GNE: variants seen among roughly 807,000 people sequenced by gnomAD.
GNE encodes the protein glucosamine (UDP-N-acetyl)-2-epimerase/N-acetylmannosamine kinase.
GNE carries 41 observed loss-of-function variants against 61.8 expected under a neutral mutation model. That is an observed-to-expected ratio of 0.66 (90% CI 0.52 to 0.86). The LOEUF is 0.86. Among genes scored for constraint, GNE ranks in the 40% least tolerant of loss-of-function variants. GNE has a pLI of 0.00. For synonymous variants in GNE, 264 were observed against 326.4 expected (o/e 0.81, Z 2.06); for missense variants, 608 against 909.1 (o/e 0.67, Z 4.26).
intron 10 of GNE, among the ~76,000 whole-genome samples, chr9:36,219,056 C>A (rs189658184): frequency 1.4e-3 from 217 of 152,282 alleles, no homozygotes; most frequent in African/African-American, 5.0e-3. Flanking sequence ...CAAACTGCAA[C>A]CTAGACATCA....
chr9:36,230,660 C>CT lies in GNE; in HGVS notation c.983-1553dup, dbSNP rs879665160. ...TTTTGTAGAGAGAAAATATCACTAT[C>CT]TTTTTTTTTTTTTTTTTGAGACGGA... is the stretch of plus-strand genomic sequence containing the variant. On this transcript the variant is annotated intron_variant, in intron 5 of 11. Transcript: ENST00000642385. Among the ~76,000 whole-genome samples, 442 of 139,150 alleles carry CT rather than the reference C, an allele frequency of 3.2e-3. 3 individuals are homozygous for CT. The highest frequency in any genetic ancestry group is 0.015 in the Middle Eastern group (4 of 270). The allele number at this position is 139,150 out of a possible 152,430, so 91.3% of individuals were successfully genotyped here. A position where few individuals can be genotyped will look rare whatever the true frequency, so the allele number is the denominator to read the frequency against.
At chr9:36,273,525 T>A (rs1831124565) in intron 1 of GNE, among the ~76,000 whole-genome samples, 1 of 151,936 alleles carries the variant, frequency 6.6e-6, no homozygotes, top group Admixed American at 6.6e-5. Context: ...CCACACTCCA[T>A]AAACTTTACG....
intron 1 of GNE, among the ~76,000 whole-genome samples, chr9:36,273,429 C>A (rs1831121086): frequency 6.6e-6 from 1 of 151,864 alleles, no homozygotes; most frequent in Admixed American, 6.6e-5. Context: ...GTTGGCCAGG[C>A]TGGTCTCGAA....
intron 1 of GNE, among the ~76,000 whole-genome samples, chr9:36,268,081 G>A (rs537912042): frequency 5.2e-4 from 79 of 152,052 alleles, no homozygotes; most frequent in African/African-American, 1.6e-3. Flanking sequence ...CCAGGCCGCA[G>A]TGAGTCATGA....
chr9:36,216,729 T>C lies in GNE; in HGVS notation c.*636A>G, dbSNP rs1050493275. ...CTCTGTCACCCAGGCTGGAGTGCAG[T>C]GGTGCGGTCTCAGTTCACTGCCAGC... On this transcript the variant is annotated 3_prime_UTR_variant, in exon 12 of 12. Coordinates refer to ENST00000642385, the MANE Select transcript of GNE (RefSeq NM_005476.7). 2 of 151,932 alleles carry C rather than the reference T, an allele frequency of 1.3e-5. No individual in the cohort carries two copies. The highest frequency in any genetic ancestry group is 2.4e-5 in the African/African-American group (1 of 40,842). 9.4% of individuals were successfully genotyped at this position (151,932 alleles called of 1,614,324 possible). A position where few individuals can be genotyped will look rare whatever the true frequency, so the allele number is the denominator to read the frequency against.
chr9:36,250,533 CA>C (rs1830071394), intron 1 of GNE, among the ~76,000 whole-genome samples: 1 of 152,170 alleles, frequency 6.6e-6, no homozygotes, highest in Non-Finnish European at 1.5e-5. Flanking sequence ...CCCATATCTC[CA>C]AAATGCTGTC....
At chr9:36,271,383 T>C (rs1489333250) in intron 1 of GNE, among the ~76,000 whole-genome samples, 1 of 152,216 alleles carries the variant, frequency 6.6e-6, no homozygotes, top group Non-Finnish European at 1.5e-5. Context: ...TTTTGTTTCA[T>C]TTTGTTTTGA....
chr9:36,218,389 G>GT lies in GNE; in HGVS notation c.1817-91_1817-90insA. 1.2e-6 allele frequency: 1 copy of GT among 865,886 alleles called. No homozygotes were observed. The highest frequency in any genetic ancestry group is 2.0e-6 in the Non-Finnish European group (1 of 507,166). The allele number at this position is 865,886 out of a possible 1,614,324, so 53.6% of individuals were successfully genotyped here. A position where few individuals can be genotyped will look rare whatever the true frequency, so the allele number is the denominator to read the frequency against. ...GCCTGTGGAAAGCAAGCCCCTACAT[G>GT]GGAAGACGGTGTTTTCTTTTCACAA... On this transcript the variant is annotated intron_variant, in intron 10 of 11. Coordinates refer to ENST00000642385, the MANE Select transcript of GNE (RefSeq NM_005476.7). This position sits in a 1 kb window ranked among gnomAD's most constrained non-coding sequence, Gnocchi z 4.1.
chr9:36,216,523 T>C lies in GNE; in HGVS notation c.*842A>G, dbSNP rs530293478. On this transcript the variant is annotated 3_prime_UTR_variant, in exon 12 of 12. Transcript: ENST00000642385. ...GCTAATTTTTGTATTTTAGTAGAGA[T>C]GGGGTTTCACCATGTTGGCCAGGCT... 3.3e-4 allele frequency: 76 copies of C among 229,256 alleles called. No individual in the cohort carries two copies. In the South Asian group the frequency reaches 3.5e-3, roughly 10 times the overall value. 14.2% of individuals were successfully genotyped at this position (229,256 alleles called of 1,614,324 possible).
At position 36,237,836 on chromosome 9, in the gene GNE, C is replaced by CA. The variant is rs535854979; in HGVS notation, c.617-853dup. ...CCTCCTACTCTTCCCCCCAAGTCCC[C>CA]AAAGTCCACTGTATCATTCTTAGGC... is the stretch of plus-strand genomic sequence containing the variant. On this transcript the variant is annotated intron_variant, in intron 3 of 11. Transcript: ENST00000642385. Among the ~76,000 whole-genome samples the CA allele has an allele frequency of 1.1e-4, 17 of 151,740 alleles. No individual in the cohort carries two copies. The South Asian group carries it at 3.5e-3, about 32-fold the overall frequency.
At chr9:36,249,446 T>C in intron 1 of GNE, 49 bp from the exon 2 acceptor site, 1 of 1,216,022 alleles carries the variant, frequency 8.2e-7, no homozygotes, top group Non-Finnish European at 1.2e-6. Context: ...CTCCTAGATA[T>C]AACTAAACTT....
intron 5 of GNE, 25 bp downstream of exon 5, chr9:36,233,895 T>C: frequency 5.8e-6 from 9 of 1,546,418 alleles, no homozygotes; most frequent in South Asian, 1.1e-5. Flanking sequence ...GCCTAGTCAG[T>C]TGAAGTATGA....
upstream of GNE, among the ~76,000 whole-genome samples, chr9:36,259,816 A>G (rs892384028): frequency 1.3e-5 from 2 of 152,094 alleles, no homozygotes; most frequent in African/African-American, 4.8e-5. Context: ...ACACACCACC[A>G]TGCCCGGCTA....
intron 1 of GNE, among the ~76,000 whole-genome samples, chr9:36,256,914 A>G (rs1320193841): frequency 6.6e-6 from 1 of 152,212 alleles, no homozygotes; most frequent in Non-Finnish European, 1.5e-5. Flanking sequence ...ACTGTTTAAT[A>G]GTTCATCATT....
At chr9:36,244,813 G>C (rs545132661) in intron 3 of GNE, among the ~76,000 whole-genome samples, 1 of 151,390 alleles carries the variant, frequency 6.6e-6, no homozygotes, top group Non-Finnish European at 1.5e-5. Flanking sequence ...GGTGGTGTGC[G>C]CCTGTAACCC....
chr9:36,258,370 G>T lies in GNE; in HGVS notation c.-92C>A. On this transcript the variant is annotated 5_prime_UTR_variant, in exon 1 of 12. Coordinates refer to ENST00000642385, the MANE Select transcript of GNE (RefSeq NM_005476.7). Reference sequence around the variant, plus strand: ...CACGCCGCCACCGCGCTCCTCGGGCGAGGGACGAACCAAGCGCCACGAAGC... The same window carrying T: ...CACGCCGCCACCGCGCTCCTCGGGCTAGGGACGAACCAAGCGCCACGAAGC... 11 of 985,568 alleles carry T rather than the reference G, an allele frequency of 1.1e-5. No homozygotes were observed. Among genetic ancestry groups the T allele is most frequent in the Non-Finnish European group, 1.2e-5 (10 of 830,040 alleles). 61.1% of individuals were successfully genotyped at this position (985,568 alleles called of 1,614,324 possible).
Position 36,216,923 on chromosome 9 carries a change from C to T in GNE, c.*442G>A, listed in dbSNP as rs752799503. Reference sequence around the variant, plus strand: ...TCCTGACCTCGTGATCCGCCCGCCTCGGCCTCCCAAAGTGCTGGGATTACA... The same window carrying T: ...TCCTGACCTCGTGATCCGCCCGCCTTGGCCTCCCAAAGTGCTGGGATTACA... On this transcript the variant is annotated 3_prime_UTR_variant, in exon 12 of 12. Coordinates refer to ENST00000642385, the MANE Select transcript of GNE (RefSeq NM_005476.7). The T allele has an allele frequency of 9.1e-6, 2 of 218,810 alleles. No individual in the cohort carries two copies. The highest frequency in any genetic ancestry group is 6.8e-5 in the South Asian group (1 of 14,660). 13.6% of individuals were successfully genotyped at this position (218,810 alleles called of 1,614,324 possible).
chr9:36,218,822 G>C lies in GNE; in HGVS notation c.1817-523C>G, dbSNP rs1241348530. Among the ~76,000 whole-genome samples, 1 of 152,216 alleles carries C rather than the reference G, an allele frequency of 6.6e-6. No homozygotes were observed. Among genetic ancestry groups the C allele is most frequent in the Non-Finnish European group, 1.5e-5 (1 of 68,042 alleles). On this transcript the variant is annotated intron_variant, in intron 10 of 11. Coordinates refer to ENST00000642385, the MANE Select transcript of GNE (RefSeq NM_005476.7). This position sits in a 1 kb window ranked among gnomAD's most constrained non-coding sequence, Gnocchi z 4.1. ...CACATTCCTCCTTCCTAGAAGATGA[G>C]ACCAGTAGTGCCTCCCCTGGCAGGG...
At chr9:36,267,408 A>G (rs923943260) in intron 1 of GNE, among the ~76,000 whole-genome samples, 1 of 152,034 alleles carries the variant, frequency 6.6e-6, no homozygotes, top group Non-Finnish European at 1.5e-5. Context: ...TTTAAAATAT[A>G]TTTTTTGGCT....
Sources: allele counts gnomAD v4.1 joint callset (sites outside exome capture counted in the v4.1 genomes callset), GRCh38; gene constraint gnomAD v4.1.1; non-coding constraint Gnocchi (gnomAD v3.1); transcripts MANE v1.5; gene names NCBI Gene and HGNC (gene_info 2026-07-23, HGNC 2026-07-21).